Variants in PDGFRA observed in about 807,000 individuals in gnomAD.
The protein encoded by PDGFRA is platelet derived growth factor receptor alpha, also known as platelet-derived growth factor receptor alpha.
Under a neutral mutation model 121.5 loss-of-function variants are expected in PDGFRA, and 25 were observed. The ratio of observed to expected loss-of-function variants is 0.21; its 90% CI spans 0.15 to 0.29. The LOEUF is 0.29. PDGFRA is among the 10% of genes least tolerant of loss of function. The pLI is 1.00. For synonymous variants in PDGFRA, 463 were observed against 494.8 expected (o/e 0.94, Z 0.85); for missense variants, 1,008 against 1,345.1 (o/e 0.75, Z 3.92).
At chr4:54,277,056 G>A (rs1489405837) in intron 12 of PDGFRA, 1 of 392,654 alleles carries the variant, frequency 2.5e-6, no homozygotes, top group South Asian at 2.6e-5. Context: ...CAGGAGGTGT[G>A]GGTGAGAGCC....
intron 12 of PDGFRA, among the ~76,000 whole-genome samples, chr4:54,275,186 T>C (rs1723653271): frequency 6.6e-6 from 1 of 152,144 alleles, no homozygotes; most frequent in Non-Finnish European, 1.5e-5. Context: ...AAATTATAGT[T>C]AAGGAAAATT....
At chr4:54,230,738 G>C (rs778355840) in intron 1 of PDGFRA, 1 of 152,376 alleles carries the variant, frequency 6.6e-6, no homozygotes, top group Non-Finnish European at 1.5e-5. Context: ...AGCGCTGCTC[G>C]GTCCTCTCTA....
At chr4:54,256,735 G>A (rs539689143) in intron 1 of PDGFRA, among the ~76,000 whole-genome samples, 10 of 151,942 alleles carry the variant, frequency 6.6e-5, no homozygotes, top group African/African-American at 1.4e-4. Flanking sequence ...GATGCGGGCC[G>A]GGTGTGGTGG....
chr4:54,281,721 A>G (rs1180981949), intron 16 of PDGFRA: 2 of 1,355,448 alleles, frequency 1.5e-6, no homozygotes. Flanking sequence ...GCTACTCTTC[A>G]CTTGCTGAAC....
chr4:54,267,790 G>A, intron 7 of PDGFRA, 49 bp downstream of exon 7: 1 of 1,489,890 alleles, frequency 6.7e-7, no homozygotes. Flanking sequence ...GTGCATCAGA[G>A]GCGGACTGAG....
intron 1 of PDGFRA, among the ~76,000 whole-genome samples, chr4:54,244,747 G>C (rs981433610): frequency 2.0e-4 from 30 of 152,204 alleles, no homozygotes; most frequent in Non-Finnish European, 3.2e-4. Flanking sequence ...AGAGAAGAAG[G>C]CTTCAGACGA....
intron 1 of PDGFRA, among the ~76,000 whole-genome samples, chr4:54,249,516 C>T (rs1193829732): frequency 2.0e-5 from 3 of 152,072 alleles, no homozygotes; most frequent in Non-Finnish European, 4.4e-5. Flanking sequence ...TCATCATTCT[C>T]AGTAAACTAT....
At chr4:54,240,119 C>A in intron 1 of PDGFRA, 1 of 394,622 alleles carries the variant, frequency 2.5e-6, no homozygotes. Flanking sequence ...TCCCAAGGTA[C>A]TGGGATTATA....
intron 1 of PDGFRA, among the ~76,000 whole-genome samples, chr4:54,247,745 TAA>T (rs1237061148): frequency 6.6e-6 from 1 of 152,098 alleles, no homozygotes; most frequent in Non-Finnish European, 1.5e-5. Context: ...GAGAAGGAAA[TAA>T]AGAGTATTCA....
intron 12 of PDGFRA, chr4:54,277,068 C>G (rs1015030887): frequency 7.3e-5 from 30 of 408,416 alleles, no homozygotes; most frequent in Non-Finnish European, 1.1e-4. Flanking sequence ...GTGAGAGCCC[C>G]GAAGGCAAGA....
In PDGFRA at chr4:54,229,633, T is replaced by C. The variant is rs1395230702; in HGVS notation, c.-13+218T>C. On this transcript the variant is annotated intron_variant, in intron 1 of 22. Coordinates refer to ENST00000257290, the MANE Select transcript of PDGFRA (RefSeq NM_006206.6). ...CCATAGAGTTAGAAAGTCTAGGTAT[T>C]TTTTTTAAACACACATTTTCCAGAC... 3.3e-5 allele frequency among the ~76,000 whole-genome samples: 5 copies of C among 152,052 alleles called. No individual in the cohort carries two copies. The East Asian group carries it at 5.8e-4, about 18-fold the overall frequency.
intron 1 of PDGFRA, among the ~76,000 whole-genome samples, chr4:54,253,593 CAT>C (rs1722185399): frequency 6.6e-6 from 1 of 152,208 alleles, no homozygotes; most frequent in Admixed American, 6.5e-5. Flanking sequence ...AAGTTCAACA[CAT>C]AGTTGGCATG....
rs1439521325 is a variant in PDGFRA at position 54,297,053 on chromosome 4, T to C, written c.*1781T>C. 1.3e-5 allele frequency: 3 copies of C among 233,068 alleles called. No individual in the cohort carries two copies. Among genetic ancestry groups the C allele is most frequent in the African/African-American group, 6.6e-5 (3 of 45,350 alleles). 14.4% of individuals were successfully genotyped at this position (233,068 alleles called of 1,614,324 possible). The stretch of plus-strand genomic sequence containing the variant: ...CATGTACAAAAATTATGCAATTCAG[T>C]GTTCCAAGTCTCTGTGTAACCAGCT... On this transcript the variant is annotated 3_prime_UTR_variant, in exon 23 of 23. Coordinates refer to ENST00000257290, the MANE Select transcript of PDGFRA (RefSeq NM_006206.6).
chr4:54,258,434 T>G (rs1377307564), intron 1 of PDGFRA, among the ~76,000 whole-genome samples: 2 of 152,174 alleles, frequency 1.3e-5, no homozygotes, highest in Non-Finnish European at 1.5e-5. Flanking sequence ...AGCTCTAGTT[T>G]GGAAGCTGAG....
intron 16 of PDGFRA, among the ~76,000 whole-genome samples, chr4:54,283,174 C>G (rs891149681): frequency 2.0e-5 from 3 of 152,202 alleles, no homozygotes; most frequent in Non-Finnish European, 4.4e-5. Flanking sequence ...AGTGGAGACT[C>G]TGTGTGGGGA....
chr4:54,264,744 G>A, intron 4 of PDGFRA, 175 bp from the exon 5 acceptor site: 1 of 588,328 alleles, frequency 1.7e-6, no homozygotes, highest in East Asian at 3.0e-5. Context: ...ATGCCTAATT[G>A]TTGTACACCA....
rs112372833 is a variant in PDGFRA, at chr4:54,261,318, G to T, written c.273G>T (p.Ser91=). The change falls in exon 3 of 23, where the codon TCG becomes TCT. Residue 91 remains serine (S), a synonymous_variant. Transcript: ENST00000257290. The part of the protein sequence containing the change: ...FVTVLEVSSA[S]AAHTGLYTCY... ...CGGTCTTGGAAGTGAGCAGTGCCTC[G>T]GCGGCCCACACAGGGTTGTACACTT... 3 of 1,613,824 alleles carry T rather than the reference G, an allele frequency of 1.9e-6. No homozygotes were observed. In the African/African-American group the frequency reaches 4.0e-5, roughly 22 times the overall value.
intron 16 of PDGFRA, among the ~76,000 whole-genome samples, chr4:54,283,853 A>T (rs1724186352): frequency 6.6e-6 from 1 of 152,074 alleles, no homozygotes; most frequent in Non-Finnish European, 1.5e-5. Flanking sequence ...CCTCTCACTC[A>T]TCCTCCCAAA....
intron 10 of PDGFRA, among the ~76,000 whole-genome samples, chr4:54,274,185 T>TAA (rs1237828633): frequency 6.6e-6 from 1 of 152,222 alleles, no homozygotes; most frequent in East Asian, 1.9e-4. Flanking sequence ...AGCTTTATAA[T>TAA]AAAGCATATG....
Sources: gnomAD v4.1 joint callset for allele counts (sites outside exome capture counted in the v4.1 genomes callset) on GRCh38, gnomAD v4.1.1 for gene constraint, MANE v1.5 for transcripts, NCBI Gene and HGNC (gene_info 2026-07-23, HGNC 2026-07-21) for gene names.